The following C16orf89 variants were observed in gnomAD, a reference collection of about 807,000 sequenced individuals.
The protein encoded by C16orf89 is chromosome 16 open reading frame 89.
C16orf89 carries 57 observed loss-of-function variants against 41.5 expected under a neutral mutation model. The ratio of observed to expected loss-of-function variants is 1.38; its 90% CI spans 1.11 to 1.71. The LOEUF is 1.71. C16orf89 is among the 40% of genes most tolerant of loss of function. The probability of loss-of-function intolerance (pLI) is 0.00; values close to 1 mark genes in which losing one functional copy is unlikely to be tolerated. For missense variants in C16orf89, 575 were observed against 445.9 expected, an observed-to-expected ratio of 1.29 and a Z score of -2.61; for synonymous variants, 223 against 190.6, an observed-to-expected ratio of 1.17 and a Z score of -1.40.
In C16orf89 at chr16:5,062,591, T is replaced by A. The variant is rs1316927828; in HGVS notation, c.209-17A>T. On this transcript the variant is annotated splice_polypyrimidine_tract_variant and intron_variant, in intron 1 of 7. Coordinates refer to ENST00000472572, the MANE Select transcript of C16orf89 (RefSeq NM_001098514.3). ...TTAGCTGCTCTGGAAGGGAACAGAG[T>A]TAATTCATTCAACTATTTGGAATCG... The A allele has an allele frequency of 3.8e-6, 6 of 1,566,086 alleles. No homozygotes were observed. The highest frequency in any genetic ancestry group is 5.2e-6 in the Non-Finnish European group (6 of 1,157,008).
intron 6 of C16orf89, among the ~76,000 whole-genome samples, chr16:5,053,541 GTT>G (rs550610070): frequency 9.2e-5 from 13 of 141,586 alleles, no homozygotes; most frequent in East Asian, 4.1e-4. Context: ...ACAATTTGTG[GTT>G]TTTTTTTTTT....
Position 5,062,405 on chromosome 16 carries a change from G to T in C16orf89, c.358+20C>A. 1 of 1,596,466 alleles carries T rather than the reference G, an allele frequency of 6.3e-7. No homozygotes were observed. The highest frequency in any genetic ancestry group is 8.5e-7 in the Non-Finnish European group (1 of 1,171,368). ...ATAGGCGCTATTCCTGAGGGAATGG[G>T]ACACCCTGCGTGTGCTCACCTCTTA... is the stretch of plus-strand genomic sequence containing the variant. On this transcript the variant is annotated intron_variant, in intron 2 of 7. Transcript: ENST00000472572.
At chr16:5,047,039 C>T (rs1395499731) in intron 7 of C16orf89, among the ~76,000 whole-genome samples, 2 of 152,166 alleles carry the variant, frequency 1.3e-5, no homozygotes, top group Non-Finnish European at 2.9e-5. Flanking sequence ...CTCCAGCACA[C>T]AGACCCCTCC....
chr16:5,052,099 C>CAAAAAAAAAA (rs35641084), intron 6 of C16orf89, among the ~76,000 whole-genome samples: 3 of 78,692 alleles, frequency 3.8e-5, no homozygotes, highest in African/African-American at 9.9e-5. Flanking sequence ...GAGACTGTCT[C>CAAAAAAAAAA]AAAAAAAAAA....
In C16orf89 at chr16:5,062,474, G is replaced by T. The variant is rs373316185; in HGVS notation, c.309C>A (p.Ile103=). ...GMLGEKLEAA[I]QRSLHYLKLS... The stretch of plus-strand genomic sequence containing the variant: ...GCTTGAGGTAGTGGAGGGATCTCTG[G>T]ATGGCAGCCTCCAGCTTCTCCCCCA... Residue 103 remains isoleucine, a synonymous_variant, in exon 2 of 8, where the codon ATC becomes ATA. Transcript: ENST00000472572. The T allele has an allele frequency of 1.9e-6, 3 of 1,614,106 alleles. No homozygotes were observed. The highest frequency in any genetic ancestry group is 2.5e-6 in the Non-Finnish European group (3 of 1,179,980).
chr16:5,064,915 G>A (rs181102898), intron 1 of C16orf89, among the ~76,000 whole-genome samples: 33 of 152,314 alleles, frequency 2.2e-4, no homozygotes, highest in African/African-American at 7.5e-4. Flanking sequence ...CAGGGATGAC[G>A]GGGAGAGGGC....
intron 4 of C16orf89, 90 bp from the exon 5 acceptor site, chr16:5,056,278 C>T (rs77462052): frequency 7.1e-5 from 94 of 1,323,458 alleles, no homozygotes; most frequent in Middle Eastern, 2.0e-4. Context: ...AGTTCTGAGA[C>T]GGTCTTGCAA....
Position 5,044,359 on chromosome 16 carries a change from TTGG to T in C16orf89, c.1072_1074del (p.Pro358del), listed in dbSNP as rs749216517. 1.2e-6 allele frequency: 2 copies of T among 1,606,664 alleles called. No homozygotes were observed. Among genetic ancestry groups the T allele is most frequent in the Non-Finnish European group, 1.7e-6 (2 of 1,177,150 alleles). ...TGGAACCGTCCGTCTCAGCGGCTGC[TTGG>T]TGGTGGCGGTGTGGATGGGTGTGGC... On this transcript the variant is annotated inframe_deletion, in exon 8 of 8. Transcript: ENST00000472572.
chr16:5,057,530 T>G (rs1324210614), intron 4 of C16orf89, among the ~76,000 whole-genome samples: 1 of 150,758 alleles, frequency 6.6e-6, no homozygotes, highest in East Asian at 2.0e-4. Flanking sequence ...TCTATTTTTT[T>G]ATATGTATAT....
Position 5,058,509 on chromosome 16 carries a change from A to G in C16orf89, c.611T>C (p.Phe204Ser). 1 of 1,609,192 alleles carries G rather than the reference A, an allele frequency of 6.2e-7. No individual in the cohort carries two copies. The stretch of plus-strand genomic sequence containing the variant: ...GGCACTCACCATTCTGGCCCAGAGG[A>G]AGAAGAGCAGTTGGTGGGACAGGCA... ...GYCLSHQLLF[F>S]LWARMRGCTQ... The change falls in exon 4 of 8, where the codon TTC (phenylalanine) becomes TCC (serine). Residue 204 changes from phenylalanine (F) to serine (S), a missense_variant. Physicochemically the swap from Phe to Ser is radical, Grantham distance 155. Coordinates refer to ENST00000472572, the MANE Select transcript of C16orf89 (RefSeq NM_001098514.3).
chr16:5,046,103 G>A (rs910126674), intron 7 of C16orf89, among the ~76,000 whole-genome samples: 1 of 152,102 alleles, frequency 6.6e-6, no homozygotes, highest in Non-Finnish European at 1.5e-5. Context: ...AGTCTCCTGG[G>A]AACTTCTCTC....
At chr16:5,062,691 C>T in intron 1 of C16orf89, 117 bp from the exon 2 acceptor site, 2 of 1,159,344 alleles carry the variant, frequency 1.7e-6, no homozygotes, top group Non-Finnish European at 1.2e-6. Context: ...TCTCTGCCTT[C>T]TCCAGCACTC....
chr16:5,053,922 C>T (rs1384960530), intron 6 of C16orf89, among the ~76,000 whole-genome samples: 1 of 152,186 alleles, frequency 6.6e-6, no homozygotes, highest in Non-Finnish European at 1.5e-5. Context: ...TGCGTCTGCT[C>T]ATTACATATT....
At position 5,065,816 on chromosome 16, in the gene C16orf89, A is replaced by C. The variant is rs771020998; in HGVS notation, c.93T>G (p.Ser31Arg). The C allele has an allele frequency of 2.5e-6, 4 of 1,614,022 alleles. No homozygotes were observed. The highest frequency in any genetic ancestry group is 3.3e-4 in the Middle Eastern group (2 of 6,084). The change falls in exon 1 of 8, where the codon AGT becomes AGG. Residue 31 changes from serine (S) to arginine (R), a missense_variant. Physicochemically the swap from Ser to Arg is moderately radical, Grantham distance 110. Coordinates refer to ENST00000472572, the MANE Select transcript of C16orf89 (RefSeq NM_001098514.3). ...GGATCAGGTCTGCAATGGTGGCTTT[A>C]CTTTCAGCAGTGTCCAGCCCAGGCA... ...SSLPGLDTAE[S>R]KATIADLILS...
At chr16:5,059,636 G>A (rs1441846840) in intron 3 of C16orf89, among the ~76,000 whole-genome samples, 1 of 152,146 alleles carries the variant, frequency 6.6e-6, no homozygotes. Flanking sequence ...TGCACCTAGG[G>A]CTGCCCTGGG....
intron 4 of C16orf89, among the ~76,000 whole-genome samples, chr16:5,057,292 GTATA>G (rs113014669): frequency 7.1e-6 from 1 of 140,106 alleles, no homozygotes; most frequent in African/African-American, 2.6e-5. Flanking sequence ...ATATATATGT[GTATA>G]TATATATATA....
chr16:5,059,820 A>G (rs572785532), intron 3 of C16orf89, among the ~76,000 whole-genome samples: 3 of 145,530 alleles, frequency 2.1e-5, no homozygotes, highest in South Asian at 4.8e-4. Context: ...GAGGTCTGCT[A>G]TGTGCTGGGG....
intron 1 of C16orf89, among the ~76,000 whole-genome samples, chr16:5,064,256 C>A (rs1369860820): frequency 6.6e-6 from 1 of 152,158 alleles, no homozygotes; most frequent in Non-Finnish European, 1.5e-5. Context: ...AAAACCAGTC[C>A]CTGGTGTCAA....
At chr16:5,057,415 A>G (rs1166777459) in intron 4 of C16orf89, among the ~76,000 whole-genome samples, 3 of 147,802 alleles carry the variant, frequency 2.0e-5, no homozygotes, top group African/African-American at 7.4e-5. Flanking sequence ...ATATAGTGGC[A>G]TATATATATA....
Sources: allele counts gnomAD v4.1 joint callset (sites outside exome capture counted in the v4.1 genomes callset), GRCh38; gene constraint gnomAD v4.1.1; transcripts MANE v1.5; gene names NCBI Gene and HGNC (gene_info 2026-07-23, HGNC 2026-07-21).